The following SLC22A9 variants were observed in gnomAD, a reference collection of about 807,000 sequenced individuals.
SLC22A9 encodes the protein organic anion transporter 7.
A neutral mutation model predicts 50.1 loss-of-function variants in SLC22A9; 64 were observed. That is an observed-to-expected ratio of 1.28 (90% CI 1.04 to 1.57). The LOEUF is 1.57. Ranked by LOEUF, SLC22A9 falls within the 40% of genes most tolerant of loss-of-function variation. The pLI, the probability that SLC22A9 is intolerant of heterozygous loss-of-function variation, is 0.00. For synonymous variants in SLC22A9, 261 were observed against 242.5 expected, an observed-to-expected ratio of 1.08 and a Z score of -0.71; for missense variants, 757 against 676.1, an observed-to-expected ratio of 1.12 and a Z score of -1.33.
chr11:63,375,725 A>G lies in SLC22A9; in HGVS notation c.911A>G (p.His304Arg). The change falls in exon 5 of 10, where the codon CAC becomes CGC. Residue 304 changes from histidine to arginine, a missense_variant. Physicochemically the swap from His to Arg is conservative, Grantham distance 29 (BLOSUM62 0). Coordinates refer to ENST00000279178, the MANE Select transcript of SLC22A9 (RefSeq NM_080866.3). Reference sequence around the variant, plus strand: ...TTAAAGGAACTTAGAAAAGCTGCACACAGGAGTGGAATGAAGAATGCCAGA... The same window carrying G: ...TTAAAGGAACTTAGAAAAGCTGCACGCAGGAGTGGAATGAAGAATGCCAGA... ...EGLKELRKAA[H>R]RSGMKNARDT... The G allele has an allele frequency of 6.2e-7, 1 of 1,612,844 alleles. No homozygotes were observed. The highest frequency in any genetic ancestry group is 8.5e-7 in the Non-Finnish European group (1 of 1,179,092).
chr11:63,395,647 G>A (rs2014841113), intron 6 of SLC22A9, among the ~76,000 whole-genome samples: 1 of 152,126 alleles, frequency 6.6e-6, no homozygotes, highest in Non-Finnish European at 1.5e-5. Flanking sequence ...ACTCTATGCA[G>A]GTTCTTAGCT....
rs770073076 is a variant in SLC22A9, at chr11:63,408,841, C to G, written c.1563C>G (p.Asn521Lys). The change falls in exon 9 of 10, where the codon AAC (asparagine) becomes AAG (lysine). Residue 521 changes from asparagine to lysine, a missense_variant. Asn to Lys is a moderately conservative substitution (Grantham distance 94). Transcript: ENST00000279178. ...FAFLLLPETR[N>K]KPLFDTIQDE... is the part of the protein sequence containing the mutation. The stretch of plus-strand genomic sequence containing the variant: ...TCCTCCTCCTTCCTGAAACCAGGAA[C>G]AAGCCTCTGTTTGACACCATCCAGG... 6.2e-7 allele frequency: 1 copy of G among 1,613,936 alleles called. No individual in the cohort carries two copies. The highest frequency in any genetic ancestry group is 8.5e-7 in the Non-Finnish European group (1 of 1,179,896).
At chr11:63,374,793 T>C (rs2119873551) in intron 4 of SLC22A9, among the ~76,000 whole-genome samples, 1 of 152,248 alleles carries the variant, frequency 6.6e-6, no homozygotes, top group South Asian at 2.1e-4. Flanking sequence ...ATAGGTGATA[T>C]TGGATGAAAA....
At chr11:63,408,412 A>G (rs924702335) in intron 8 of SLC22A9, among the ~76,000 whole-genome samples, 192 bp downstream of exon 8, 1 of 152,240 alleles carries the variant, frequency 6.6e-6, no homozygotes, top group African/African-American at 2.4e-5. Context: ...TTGATGTATT[A>G]TAGTATCCCA....
At chr11:63,376,610 G>A (rs2014464969) in intron 5 of SLC22A9, among the ~76,000 whole-genome samples, 1 of 151,762 alleles carries the variant, frequency 6.6e-6, no homozygotes, top group Non-Finnish European at 1.5e-5. Context: ...TATGGGAAAG[G>A]AAAGAATGCT....
Position 63,373,705 on chromosome 11 carries a change from G to A in SLC22A9, c.568G>A (p.Ala190Thr), listed in dbSNP as rs754922441. 2 of 1,612,454 alleles carry A rather than the reference G, an allele frequency of 1.2e-6. No homozygotes were observed. The highest frequency in any genetic ancestry group is 2.2e-5 in the South Asian group (2 of 90,808). The change falls in exon 3 of 10, where the codon GCA becomes ACA. Residue 190 changes from alanine to threonine, a missense_variant. Ala to Thr is a moderately conservative substitution (Grantham distance 58, BLOSUM62 0). Coordinates refer to ENST00000279178, the MANE Select transcript of SLC22A9 (RefSeq NM_080866.3). Reference sequence around the variant, plus strand: ...CCAGGTTGCCATTGTTGGCACCTGTGCAGCCTTGGCTCCCACCTTCCTCAT... The same window carrying A: ...CCAGGTTGCCATTGTTGGCACCTGTACAGCCTTGGCTCCCACCTTCCTCAT... ...YLQVAIVGTC[A>T]ALAPTFLIYC...
intron 6 of SLC22A9, among the ~76,000 whole-genome samples, chr11:63,385,106 G>T (rs989633015): frequency 1.6e-4 from 12 of 76,524 alleles, no homozygotes; most frequent in South Asian, 1.1e-3. Context: ...TGATGATACA[G>T]TTTTTTTTTT....
intron 9 of SLC22A9, among the ~76,000 whole-genome samples, chr11:63,409,330 A>T (rs631157): frequency 6.6e-6 from 1 of 151,858 alleles, no homozygotes; most frequent in Non-Finnish European, 1.5e-5. Flanking sequence ...GTGGAAGAGT[A>T]TGCAGATGCA....
intron 6 of SLC22A9, among the ~76,000 whole-genome samples, chr11:63,402,036 A>G (rs1390223882): frequency 6.6e-6 from 1 of 152,046 alleles, no homozygotes; most frequent in African/African-American, 2.4e-5. Context: ...CATAACCTGC[A>G]AATATTTTTT....
rs771464400 is a variant in SLC22A9, at chr11:63,388,363, GTT to G, written c.1073+6097_1073+6098del. Among the ~76,000 whole-genome samples, 4 of 144,294 alleles carry G rather than the reference GTT, an allele frequency of 2.8e-5. No homozygotes were observed. The South Asian group carries it at 8.8e-4, about 32-fold the overall frequency. The allele number at this position is 144,294 out of a possible 152,430, so 94.7% of individuals were successfully genotyped here. On this transcript the variant is annotated intron_variant, in intron 6 of 9. Transcript: ENST00000279178. ...TCTTCTATGCCCAGTTTTTCGAGAG[GTT>G]TTTTTTTTTTATCAGAAATGGATGT...
At chr11:63,396,572 G>A (rs1047167050) in intron 6 of SLC22A9, among the ~76,000 whole-genome samples, 1 of 152,106 alleles carries the variant, frequency 6.6e-6, no homozygotes, top group South Asian at 2.1e-4. Context: ...GGAGCAGTCG[G>A]CTTCCTCCAA....
intron 9 of SLC22A9, 69 bp downstream of exon 9, chr11:63,408,948 T>C: frequency 6.6e-7 from 1 of 1,515,624 alleles, no homozygotes; most frequent in Non-Finnish European, 9.2e-7. Context: ...GAAGGCAAAA[T>C]ACCATTTAGG....
In SLC22A9 at chr11:63,382,209, A is replaced by AT; in HGVS notation, c.1005_1006insT (p.Pro336SerfsTer5). ...AACTGGAGGCAGCACAAAAAAAAAA[A>AT]CCTTCTCTGTGTGAAATGCTCCACA... On this transcript the variant is annotated frameshift_variant, in exon 6 of 10. Coordinates refer to ENST00000279178, the MANE Select transcript of SLC22A9 (RefSeq NM_080866.3). LOFTEE classifies it high-confidence loss of function. 6.2e-7 allele frequency: 1 copy of AT among 1,609,428 alleles called. No individual in the cohort carries two copies. The highest frequency in any genetic ancestry group is 8.5e-7 in the Non-Finnish European group (1 of 1,178,646).
At chr11:63,371,578 A>G (rs1281074351) in intron 2 of SLC22A9, among the ~76,000 whole-genome samples, 2 of 152,170 alleles carry the variant, frequency 1.3e-5, no homozygotes, top group Non-Finnish European at 2.9e-5. Context: ...CTTGGCCAGG[A>G]GTACCAGGTC....
Position 63,381,305 on chromosome 11 carries a change from A to C in SLC22A9, c.955-854A>C, listed in dbSNP as rs115691998. ...TTAAAGTGGTTAGGACCATGAAGAT[A>C]AAAAATTTTAGGTGTTTTACTACTG... On this transcript the variant is annotated intron_variant, in intron 5 of 9. Coordinates refer to ENST00000279178, the MANE Select transcript of SLC22A9 (RefSeq NM_080866.3). Among the ~76,000 whole-genome samples, 930 of 152,326 alleles carry C rather than the reference A, an allele frequency of 6.1e-3. 10 individuals are homozygous for C. Among genetic ancestry groups the C allele is most frequent in the African/African-American group, 0.02 (851 of 41,580 alleles).
At chr11:63,374,145 G>A in intron 4 of SLC22A9, 83 bp downstream of exon 4, 1 of 1,346,174 alleles carries the variant, frequency 7.4e-7, no homozygotes, top group Non-Finnish European at 1.0e-6. Context: ...ATTTCTTTTT[G>A]TTCTTTGTGT....
rs2015123147 is a variant in SLC22A9 at position 63,410,277 on chromosome 11, G to GAAAGAAAA, written c.*416_*423dup. 1 of 123,778 alleles carries GAAAGAAAA rather than the reference G, an allele frequency of 8.1e-6. No individual in the cohort carries two copies. The highest frequency in any genetic ancestry group is 8.2e-5 in the Admixed American group (1 of 12,252). The allele number at this position is 123,778 out of a possible 1,614,324, so 7.7% of individuals were successfully genotyped here. On this transcript the variant is annotated 3_prime_UTR_variant, in exon 10 of 10. Transcript: ENST00000279178. ...AAAAAAAAAGAAAGAAGGAAAGAAAGAAAGAAAAGAAAAGAAATAACAAGA... is the reference window on the plus strand; with the variant it reads ...AAAAAAAAAGAAAGAAGGAAAGAAAGAAAGAAAAAAAGAAAAGAAAAGAAATAACAAGA...
At chr11:63,401,663 G>T (rs938566149) in intron 6 of SLC22A9, among the ~76,000 whole-genome samples, 1 of 151,822 alleles carries the variant, frequency 6.6e-6, no homozygotes, top group African/African-American at 2.4e-5. Flanking sequence ...CCCATAAAGC[G>T]AAAGAAATCC....
chr11:63,390,781 G>A (rs1367327499), intron 6 of SLC22A9, among the ~76,000 whole-genome samples: 1 of 152,006 alleles, frequency 6.6e-6, no homozygotes, highest in Admixed American at 6.6e-5. Flanking sequence ...ATTACTTTGG[G>A]CAGTATGGCT....
Sources: gnomAD v4.1 joint callset for allele counts (sites outside exome capture counted in the v4.1 genomes callset) on GRCh38, gnomAD v4.1.1 for gene constraint, MANE v1.5 for transcripts, NCBI Gene and HGNC (gene_info 2026-07-23, HGNC 2026-07-21) for gene names.